The following GRIK5 variants were observed in gnomAD, a reference collection of about 807,000 sequenced individuals.
GRIK5 encodes glutamate ionotropic receptor kainate type subunit 5.
In GRIK5, 43 loss-of-function variants were observed where a neutral mutation model predicts 97.4. The observed-to-expected ratio is 0.44, with a 90% CI of 0.35 to 0.57. GRIK5 has a LOEUF of 0.57. Ranked by LOEUF, GRIK5 falls within the 20% of genes least tolerant of loss-of-function variation. The pLI, the probability that GRIK5 is intolerant of heterozygous loss-of-function variation, is 0.01. For synonymous variants in GRIK5, 580 were observed against 583.5 expected (o/e 0.99, Z 0.09); for missense variants, 1,015 against 1,382.0 (o/e 0.73, Z 4.21).
chr19:42,026,128 G>C (rs934491662), intron 12 of GRIK5, among the ~76,000 whole-genome samples: 3 of 152,022 alleles, frequency 2.0e-5, no homozygotes, highest in Non-Finnish European at 4.4e-5. Flanking sequence ...TGGGACCACA[G>C]GTGCGAGCCA....
At position 42,056,762 on chromosome 19, in the gene GRIK5, G is replaced by T. The variant is rs1438723217; in HGVS notation, c.803C>A (p.Ser268Tyr). The change falls in exon 8 of 20, where the codon TCC becomes TAC. Residue 268 changes from serine (S) to tyrosine (Y), a missense_variant. Physicochemically the swap from Ser to Tyr is moderately radical, Grantham distance 144. Around this residue, in one of 5 missense-constraint regions of GRIK5, gnomAD observed 477 missense variants for 701.1 expected, o/e 0.68. Transcript: ENST00000593562. ...VEDSSNILGF[S>Y]MFNTSHPFYP... ...GAAGGGGTGGGACGTGTTGAACATG[G>T]AGAAGCCCAGGATGTTGGAGGAGTC... The T allele has an allele frequency of 6.2e-7, 1 of 1,614,080 alleles. No homozygotes were observed. Among genetic ancestry groups the T allele is most frequent in the Non-Finnish European group, 8.5e-7 (1 of 1,179,954 alleles).
chr19:42,039,005 A>G (rs866403764), intron 12 of GRIK5, among the ~76,000 whole-genome samples: 1 of 152,096 alleles, frequency 6.6e-6, no homozygotes, highest in Non-Finnish European at 1.5e-5. Flanking sequence ...CCTCTCCTGC[A>G]TCCCCCACCC....
rs1474895142 is a variant in GRIK5 at position 42,017,473 on chromosome 19, C to T, written c.1871+3828G>A. Among the ~76,000 whole-genome samples the T allele has an allele frequency of 3.3e-5, 5 of 151,948 alleles. No individual in the cohort carries two copies. The East Asian group carries it at 7.7e-4, about 23-fold the overall frequency. On this transcript the variant is annotated intron_variant, in intron 15 of 19. Coordinates refer to ENST00000593562, the MANE Select transcript of GRIK5 (RefSeq NM_002088.5). ...AATTTCAGCTCAGTGTGGAAAAGGACGTATTAAAAAATATTTGTTATAAAA... is the reference window on the plus strand; with the variant it reads ...AATTTCAGCTCAGTGTGGAAAAGGATGTATTAAAAAATATTTGTTATAAAA...
rs140465736 is a variant in GRIK5 at position 42,057,869 on chromosome 19, G to A, written c.688-891C>T. Among the ~76,000 whole-genome samples the A allele has an allele frequency of 1.6e-4, 24 of 152,290 alleles. No individual in the cohort carries two copies. The East Asian group carries it at 4.4e-3, about 28-fold the overall frequency. The stretch of plus-strand genomic sequence containing the variant: ...ATAATCCTCGAGGAAAACAAAGCTG[G>A]AAAAATTCTTCCTGCCAGAAGCACC... On this transcript the variant is annotated intron_variant, in intron 6 of 19. Transcript: ENST00000593562.
rs541112270 is a variant in GRIK5, at chr19:42,012,224, GTGTA to G, written c.1872-5418_1872-5415del. ...TATGTATATGTATATATACATGTATGTGTATGTATGTATGTATGTATGTATGTAT... is the reference window on the plus strand; with the variant it reads ...TATGTATATGTATATATACATGTATGTGTATGTATGTATGTATGTATGTAT... On this transcript the variant is annotated intron_variant, in intron 15 of 19. Coordinates refer to ENST00000593562, the MANE Select transcript of GRIK5 (RefSeq NM_002088.5). 9.2e-4 allele frequency among the ~76,000 whole-genome samples: 140 copies of G among 151,458 alleles called. 1 individual carries two copies. Among genetic ancestry groups the G allele is most frequent in the South Asian group, 5.2e-3 (25 of 4,786 alleles).
chr19:42,030,340 T>C (rs1003339799), intron 12 of GRIK5, among the ~76,000 whole-genome samples: 1 of 151,916 alleles, frequency 6.6e-6, no homozygotes, highest in South Asian at 2.1e-4. Context: ...TGCCGCTGAG[T>C]CTGGCTAATT....
chr19:42,068,150 A>G (rs756171052), intron 1 of GRIK5, among the ~76,000 whole-genome samples: 10 of 152,080 alleles, frequency 6.6e-5, no homozygotes, highest in Non-Finnish European at 1.0e-4. Flanking sequence ...GGCAAGGGGG[A>G]AAAGCACCTG....
chr19:42,025,666 C>T (rs1331024691), intron 12 of GRIK5, among the ~76,000 whole-genome samples: 2 of 152,192 alleles, frequency 1.3e-5, no homozygotes, highest in African/African-American at 4.8e-5. Context: ...TAAACACCTC[C>T]GGAACGGAGT....
At chr19:42,035,274 C>A (rs1033212683) in intron 12 of GRIK5, among the ~76,000 whole-genome samples, 1 of 152,090 alleles carries the variant, frequency 6.6e-6, no homozygotes, top group Non-Finnish European at 1.5e-5. Context: ...AGTCACTGCG[C>A]CTGGCCTAAA....
At chr19:42,054,584 A>G in intron 8 of GRIK5, 112 bp from the exon 9 acceptor site, 2 of 1,228,504 alleles carry the variant, frequency 1.6e-6, no homozygotes, top group Non-Finnish European at 2.3e-6. Context: ...CCCTCTCCCC[A>G]GGAATGGGAA....
intron 12 of GRIK5, among the ~76,000 whole-genome samples, chr19:42,024,322 C>T (rs947074145): frequency 2.6e-5 from 4 of 151,730 alleles, no homozygotes; most frequent in Non-Finnish European, 5.9e-5. Context: ...AAGCAATTCT[C>T]CTGCCTCAGC....
chr19:42,056,385 C>T (rs534525592), intron 8 of GRIK5, among the ~76,000 whole-genome samples: 13 of 152,250 alleles, frequency 8.5e-5, no homozygotes, highest in Admixed American at 6.5e-4. Flanking sequence ...CTGCTTCTCT[C>T]GGAAAGTGCA....
intron 8 of GRIK5, among the ~76,000 whole-genome samples, chr19:42,055,685 T>C (rs1231997076): frequency 2.0e-5 from 3 of 152,164 alleles, no homozygotes; most frequent in Non-Finnish European, 2.9e-5. Flanking sequence ...AGTTTACCTT[T>C]TTTTTTTCTT....
intron 11 of GRIK5, among the ~76,000 whole-genome samples, chr19:42,049,653 G>A (rs2076087197): frequency 6.6e-6 from 1 of 152,220 alleles, no homozygotes; most frequent in Admixed American, 6.5e-5. Context: ...GAGGCTTTGG[G>A]TTGGGGACAG....
At chr19:42,068,451 C>A in intron 1 of GRIK5, 1 of 325,694 alleles carries the variant, frequency 3.1e-6, no homozygotes, top group Non-Finnish European at 5.6e-6. Flanking sequence ...GAAAAGTCAG[C>A]ATGGACCACG....
chr19:42,014,348 C>T (rs560802535), intron 15 of GRIK5, among the ~76,000 whole-genome samples: 3 of 151,444 alleles, frequency 2.0e-5, no homozygotes, highest in East Asian at 3.9e-4. Context: ...GAGCTGAGAT[C>T]GTGCTGTTGC....
At chr19:42,032,152 A>C (rs925821085) in intron 12 of GRIK5, among the ~76,000 whole-genome samples, 4 of 152,262 alleles carry the variant, frequency 2.6e-5, no homozygotes, top group Non-Finnish European at 4.4e-5. Context: ...ATTATTTATA[A>C]GAGCACAAAC....
chr19:42,058,560 G>C (rs2076217523), intron 6 of GRIK5, among the ~76,000 whole-genome samples: 1 of 150,110 alleles, frequency 6.7e-6, no homozygotes, highest in Non-Finnish European at 1.5e-5. Context: ...GGGTGTGGTG[G>C]CTCACGCCTG....
intron 8 of GRIK5, 135 bp downstream of exon 8, chr19:42,056,527 C>T: frequency 1.5e-6 from 1 of 687,546 alleles, no homozygotes; most frequent in Non-Finnish European, 2.5e-6. Context: ...GGGTCCAATG[C>T]ATCACAAGGC....
Sources: allele counts gnomAD v4.1 joint callset (sites outside exome capture counted in the v4.1 genomes callset), GRCh38; gene constraint gnomAD v4.1.1; regional missense constraint gnomAD v4.1.1; transcripts MANE v1.5; gene names NCBI Gene and HGNC (gene_info 2026-07-23, HGNC 2026-07-21).